PHTF2: variants seen among roughly 807,000 people sequenced by gnomAD.
The protein encoded by PHTF2 is protein PHTF2.
In PHTF2, 60 loss-of-function variants were observed where a neutral mutation model predicts 101.2. The observed-to-expected ratio is 0.59, with a 90% confidence interval of 0.48 to 0.73. PHTF2 has a LOEUF of 0.73. Ranked by LOEUF, PHTF2 falls within the 30% of genes least tolerant of loss-of-function variation. The pLI is 0.00. For synonymous variants in PHTF2, 311 were observed against 307.3 expected (o/e 1.01, Z -0.13); for missense variants, 747 against 908.7 (o/e 0.82, Z 2.29).
intron 3 of PHTF2, among the ~76,000 whole-genome samples, chr7:77,882,411 C>CT (rs913548293): frequency 6.6e-6 from 1 of 151,790 alleles, no homozygotes; most frequent in Non-Finnish European, 1.5e-5. Context: ...AGTAGCTTTA[C>CT]TTTTTTTAGT....
intron 2 of PHTF2, among the ~76,000 whole-genome samples, chr7:77,846,710 A>G (rs1796332438): frequency 1.3e-5 from 2 of 149,330 alleles, no homozygotes; most frequent in South Asian, 4.2e-4. Context: ...TGACACAGTC[A>G]TGGCTTACTG....
chr7:77,888,872 T>A (rs1311823375), intron 3 of PHTF2, among the ~76,000 whole-genome samples: 2 of 148,836 alleles, frequency 1.3e-5, no homozygotes, highest in Admixed American at 1.3e-4. Context: ...AAAAAAAAAA[T>A]AAGAGGGATA....
At chr7:77,922,256 GCCT>G (rs1370551037) in intron 10 of PHTF2, among the ~76,000 whole-genome samples, 2 of 151,746 alleles carry the variant, frequency 1.3e-5, no homozygotes, top group Admixed American at 1.3e-4. Flanking sequence ...CGAACCCCTG[GCCT>G]CAAACAGTCT....
At chr7:77,841,235 A>G (rs1795859039) in intron 2 of PHTF2, among the ~76,000 whole-genome samples, 1 of 151,452 alleles carries the variant, frequency 6.6e-6, no homozygotes, top group African/African-American at 2.4e-5. Context: ...ATATGCTACC[A>G]TGCCTGGCTA....
intron 1 of PHTF2, among the ~76,000 whole-genome samples, chr7:77,837,576 A>G (rs569373684): frequency 6.6e-6 from 1 of 152,326 alleles, no homozygotes; most frequent in East Asian, 1.9e-4. Flanking sequence ...ATTACTGAAG[A>G]AAGGTTTTTT....
Position 77,804,347 on chromosome 7 carries a change from C to T in PHTF2, c.-36+5376C>T, listed in dbSNP as rs1025935079. Among the ~76,000 whole-genome samples, 10 of 152,098 alleles carry T rather than the reference C, an allele frequency of 6.6e-5. No individual in the cohort carries two copies. The South Asian group carries it at 8.3e-4, about 13-fold the overall frequency. On this transcript the variant is annotated intron_variant, in intron 1 of 19. Coordinates refer to ENST00000416283, the Ensembl canonical transcript of PHTF2. ...TTTTTGTTTGTTTGTTTGTTTGATA[C>T]GGAGTTTTGCTCTTGTTGCCCAGGC...
intron 12 of PHTF2, among the ~76,000 whole-genome samples, chr7:77,933,475 C>A (rs1477230609): frequency 6.6e-6 from 1 of 152,128 alleles, no homozygotes; most frequent in Admixed American, 6.5e-5. Flanking sequence ...AGATTCCTTT[C>A]AGAAGTAGAG....
intron 15 of PHTF2, among the ~76,000 whole-genome samples, chr7:77,940,901 A>G (rs997761177): frequency 6.6e-6 from 1 of 152,174 alleles, no homozygotes; most frequent in Non-Finnish European, 1.5e-5. Context: ...ACCTATTACT[A>G]TTTTAAAATA....
chr7:77,933,709 G>GT (rs1157738956), intron 12 of PHTF2, among the ~76,000 whole-genome samples: 40 of 127,256 alleles, frequency 3.1e-4, no homozygotes, highest in Non-Finnish European at 3.2e-4. Flanking sequence ...CAGGGACCAT[G>GT]TGTTTTTTTT....
intron 1 of PHTF2, among the ~76,000 whole-genome samples, chr7:77,822,904 CTTTTTTTT>C (rs35785317): frequency 8.4e-6 from 1 of 118,450 alleles, no homozygotes; most frequent in African/African-American, 3.4e-5. Context: ...ATATTTAAAT[CTTTTTTTT>C]TTTTTTTTTT....
chr7:77,850,248 A>T (rs1475148633), intron 2 of PHTF2, among the ~76,000 whole-genome samples: 1 of 148,642 alleles, frequency 6.7e-6, no homozygotes, highest in Non-Finnish European at 1.5e-5. Context: ...ATTTCTAGCT[A>T]CTTGGGAAGC....
intron 1 of PHTF2, among the ~76,000 whole-genome samples, chr7:77,820,250 G>C (rs1001221511): frequency 2.6e-5 from 4 of 152,132 alleles, no homozygotes; most frequent in African/African-American, 9.7e-5. Flanking sequence ...CAGGTTTTCT[G>C]TTTCTTCCTG....
chr7:77,926,706 C>A (rs1005227305), intron 11 of PHTF2, among the ~76,000 whole-genome samples: 1 of 152,014 alleles, frequency 6.6e-6, no homozygotes, highest in Non-Finnish European at 1.5e-5. Flanking sequence ...CAGTGGCTCA[C>A]GCCTGTAATC....
intron 3 of PHTF2, among the ~76,000 whole-genome samples, chr7:77,859,161 A>G (rs963289595): frequency 3.9e-5 from 6 of 152,198 alleles, no homozygotes; most frequent in Admixed American, 3.3e-4. Flanking sequence ...GACAGTAGTC[A>G]TTGGATTTAA....
At chr7:77,819,161 A>G (rs1044457753) in intron 1 of PHTF2, among the ~76,000 whole-genome samples, 4 of 152,218 alleles carry the variant, frequency 2.6e-5, no homozygotes, top group African/African-American at 9.6e-5. Context: ...TTTTCTATAT[A>G]TAAGATTGTG....
intron 3 of PHTF2, among the ~76,000 whole-genome samples, chr7:77,855,234 C>CAA (rs1350695730): frequency 6.6e-6 from 1 of 152,224 alleles, no homozygotes; most frequent in African/African-American, 2.4e-5. Context: ...GGGTTCCCTT[C>CAA]TGTCCCAGGG....
intron 1 of PHTF2, among the ~76,000 whole-genome samples, chr7:77,808,639 C>T (rs779424264): frequency 1.4e-4 from 21 of 152,326 alleles, no homozygotes; most frequent in Admixed American, 7.8e-4. Context: ...CTCTACAGAG[C>T]TACAGCACTC....
chr7:77,884,487 A>G (rs1042738203), intron 3 of PHTF2, among the ~76,000 whole-genome samples: 2 of 152,094 alleles, frequency 1.3e-5, no homozygotes, highest in Non-Finnish European at 2.9e-5. Flanking sequence ...AACTTATGGT[A>G]TTTGATTTTC....
chr7:77,919,405 T>G (rs1803238379), intron 9 of PHTF2, among the ~76,000 whole-genome samples: 1 of 152,206 alleles, frequency 6.6e-6, no homozygotes. Context: ...TCAAGGGAAT[T>G]TATTTAAATA....
Sources: allele counts gnomAD v4.1 joint callset (sites outside exome capture counted in the v4.1 genomes callset), GRCh38; gene constraint gnomAD v4.1.1; transcripts MANE v1.5; gene names NCBI Gene and HGNC (gene_info 2026-07-23, HGNC 2026-07-21).